The following A2M variants were observed in gnomAD, a reference collection of about 807,000 sequenced individuals.
A2M encodes alpha-2-macroglobulin.
In A2M, 128 loss-of-function variants were observed where a neutral mutation model predicts 183.9. That is an observed-to-expected ratio of 0.70 (90% confidence interval 0.60 to 0.81). The LOEUF is 0.81. Ranked by LOEUF, A2M falls within the 30% of genes least tolerant of loss-of-function variation. A2M has a pLI of 0.00. For missense variants in A2M, 1,495 were observed against 1,787.6 expected, an observed-to-expected ratio of 0.84 and a Z score of 2.95; for synonymous variants, 592 against 670.8, an observed-to-expected ratio of 0.88 and a Z score of 1.81.
At position 9,101,143 on chromosome 12, in the gene A2M, C is replaced by CT. The variant is rs1471934981; in HGVS notation, c.1558dup (p.Met520AsnfsTer40). ...AATGCAGAGATGATGGAAATACTCA[C>CT]TGTCTTCCTGCTTCACAAGCAGTCC... On this transcript the variant is annotated frameshift_variant and splice_region_variant. Coordinates refer to ENST00000318602, the MANE Select transcript of A2M (RefSeq NM_000014.6). LOFTEE classifies it high-confidence loss of function. The CT allele has an allele frequency of 6.4e-7, 1 of 1,558,826 alleles. No homozygotes were observed. The highest frequency in any genetic ancestry group is 8.7e-7 in the Non-Finnish European group (1 of 1,150,634).
At chr12:9,106,153 G>T in intron 10 of A2M, 83 bp downstream of exon 10, 2 of 763,232 alleles carry the variant, frequency 2.6e-6, no homozygotes, top group Non-Finnish European at 4.4e-6. Context: ...CATTAACCAG[G>T]CATGGTTTTA....
chr12:9,109,247 G>T (rs1592391855), intron 7 of A2M, 74 bp downstream of exon 7: 2 of 1,203,128 alleles, frequency 1.7e-6, no homozygotes, highest in East Asian at 4.9e-5. Context: ...CCCGGAGAGA[G>T]TAGTTAAAAT....
chr12:9,088,793 A>G (rs1330765174), intron 22 of A2M, among the ~76,000 whole-genome samples: 2 of 152,220 alleles, frequency 1.3e-5, no homozygotes, highest in Non-Finnish European at 2.9e-5. Flanking sequence ...TTTGGGAAAT[A>G]GCAATCCCGT....
At chr12:9,105,757 A>G (rs1284321320) in intron 10 of A2M, among the ~76,000 whole-genome samples, 1 of 152,202 alleles carries the variant, frequency 6.6e-6, no homozygotes, top group Admixed American at 6.5e-5. Flanking sequence ...GTGTAAATAT[A>G]CTATCCATGA....
intron 11 of A2M, among the ~76,000 whole-genome samples, chr12:9,101,905 G>A (rs1433457996): frequency 6.6e-6 from 1 of 152,054 alleles, no homozygotes. Context: ...TATTTCTTAA[G>A]AGCATAAAAG....
chr12:9,070,438 A>G, intron 32 of A2M, 50 bp downstream of exon 32: 2 of 1,200,900 alleles, frequency 1.7e-6, no homozygotes, highest in South Asian at 1.3e-5. Context: ...TGCTGGGGAT[A>G]CATACATCAT....
intron 22 of A2M, among the ~76,000 whole-genome samples, chr12:9,087,766 T>C (rs1204701495): frequency 1.3e-5 from 2 of 152,108 alleles, no homozygotes; most frequent in African/African-American, 4.8e-5. Context: ...CAATTATAAA[T>C]GGTCAGTTTA....
chr12:9,068,266 T>C (rs977518383), intron 34 of A2M, 42 bp from the exon 35 acceptor site: 2 of 1,588,188 alleles, frequency 1.3e-6, no homozygotes, highest in South Asian at 1.1e-5. Flanking sequence ...AATCATTACA[T>C]GAAGTGAGAA....
At chr12:9,076,651 G>A in intron 28 of A2M, 105 bp downstream of exon 28, 1 of 1,007,668 alleles carries the variant, frequency 9.9e-7, no homozygotes, top group East Asian at 2.6e-5. Flanking sequence ...ATATAGAAAA[G>A]AAGAGAGGAG....
At chr12:9,098,438 A>C in intron 15 of A2M, 169 bp downstream of exon 15, 1 of 416,836 alleles carries the variant, frequency 2.4e-6, no homozygotes, top group Non-Finnish European at 4.0e-6. Flanking sequence ...AGTTATATAT[A>C]TATATATATA....
chr12:9,069,646 C>A, intron 33 of A2M, 99 bp downstream of exon 33: 1 of 795,972 alleles, frequency 1.3e-6, no homozygotes, highest in Admixed American at 2.4e-5. Flanking sequence ...AAATTTCTAG[C>A]ATGGAAGTGA....
chr12:9,107,977 C>T (rs931546044), intron 7 of A2M, among the ~76,000 whole-genome samples: 1 of 151,634 alleles, frequency 6.6e-6, no homozygotes, highest in Non-Finnish European at 1.5e-5. Flanking sequence ...CAAAACAAAA[C>T]AGAACAAAAA....
intron 4 of A2M, chr12:9,111,662 T>A: frequency 2.5e-6 from 1 of 393,576 alleles, no homozygotes; most frequent in Non-Finnish European, 4.9e-6. Context: ...TGTGAAGAAG[T>A]TAATTTGGGA....
At chr12:9,106,694 G>T in intron 8 of A2M, 89 bp from the exon 9 acceptor site, 1 of 614,250 alleles carries the variant, frequency 1.6e-6, no homozygotes, top group Non-Finnish European at 2.8e-6. Context: ...TTTTTGTGGG[G>T]GGACAACATC....
intron 1 of A2M, among the ~76,000 whole-genome samples, chr12:9,114,037 G>C (rs1381124560): frequency 1.3e-5 from 2 of 152,190 alleles, no homozygotes; most frequent in Admixed American, 6.5e-5. Context: ...CCACTCCACA[G>C]ATATGGAATC....
chr12:9,101,823 TTTG>T (rs1592379343), intron 11 of A2M, 149 bp from the exon 12 acceptor site: 1 of 667,412 alleles, frequency 1.5e-6, no homozygotes, highest in East Asian at 2.8e-5. Context: ...GACCCCTGAT[TTTG>T]TTTCTCTGCT....
At chr12:9,094,759 G>A (rs150279425) in intron 17 of A2M, among the ~76,000 whole-genome samples, 29 of 152,094 alleles carry the variant, frequency 1.9e-4, no homozygotes, top group Non-Finnish European at 3.2e-4. Context: ...CTAATCCTAC[G>A]CTTGGAAACT....
At chr12:9,086,455 G>A (rs1477946790) in intron 22 of A2M, among the ~76,000 whole-genome samples, 8 of 152,102 alleles carry the variant, frequency 5.3e-5, no homozygotes. Context: ...AGTCAAGTGG[G>A]ATTTATCCCT....
At position 9,106,306 on chromosome 12, in the gene A2M, C is replaced by T; in HGVS notation, c.1034G>A (p.Arg345Lys). The part of the protein sequence containing the change: ...LTGRQSSEIT[R>K]TITKLSFVKV... The stretch of plus-strand genomic sequence containing the variant: ...CACAAATGAGAGTTTGGTTATGGTT[C>T]TTGTGATTTCACTGGACTGCCTTCC... Residue 345 changes from arginine to lysine, a missense_variant, in exon 10 of 36, where the codon AGA (arginine) becomes AAA (lysine). Transcript: ENST00000318602. 1 of 1,613,192 alleles carries T rather than the reference C, an allele frequency of 6.2e-7. No homozygotes were observed. The highest frequency in any genetic ancestry group is 8.5e-7 in the Non-Finnish European group (1 of 1,179,304).
Sources: gnomAD v4.1 joint callset for allele counts (sites outside exome capture counted in the v4.1 genomes callset) on GRCh38, gnomAD v4.1.1 for gene constraint, MANE v1.5 for transcripts, NCBI Gene and HGNC (gene_info 2026-07-23, HGNC 2026-07-21) for gene names.